Variants in TRIM2 observed in about 807,000 individuals in gnomAD.
TRIM2 encodes the protein tripartite motif containing 2.
In TRIM2, 20 loss-of-function variants were observed where a neutral mutation model predicts 75.2. That is an observed-to-expected ratio of 0.27 (90% CI 0.19 to 0.39). The LOEUF is 0.39. TRIM2 is among the 10% of genes least tolerant of loss of function. The pLI, the probability that TRIM2 is intolerant of heterozygous loss-of-function variation, is 1.00. For synonymous variants in TRIM2, 373 were observed against 388.3 expected, an observed-to-expected ratio of 0.96 and a Z score of 0.46; for missense variants, 660 against 990.8, an observed-to-expected ratio of 0.67 and a Z score of 4.48.
intron 1 of TRIM2, among the ~76,000 whole-genome samples, chr4:153,193,127 C>CTTTTTTTTTT: frequency 9.4e-6 from 1 of 106,732 alleles, no homozygotes; most frequent in Non-Finnish European, 1.8e-5. Context: ...AGTGAATAAT[C>CTTTTTTTTTT]TTTTTTTTTT....
chr4:153,173,264 C>T (rs1038520764), intron 1 of TRIM2, among the ~76,000 whole-genome samples: 23 of 152,292 alleles, frequency 1.5e-4, no homozygotes, highest in African/African-American at 4.3e-4. Context: ...GAGTGGCTCA[C>T]GCCTGTAATC....
rs906408603 is a variant in TRIM2 at position 153,337,953 on chromosome 4, G to T, written c.*2987G>T. On this transcript the variant is annotated 3_prime_UTR_variant, in exon 12 of 12. Transcript: ENST00000338700. ...AGGCAGAGAGTCACTTGACCATCCA[G>T]AAATACATGACTACAAGTCCTTTAT... is the stretch of plus-strand genomic sequence containing the variant. 1 of 985,676 alleles carries T rather than the reference G, an allele frequency of 1.0e-6. No individual in the cohort carries two copies. The highest frequency in any genetic ancestry group is 1.2e-6 in the Non-Finnish European group (1 of 829,950). 61.1% of individuals were successfully genotyped at this position (985,676 alleles called of 1,614,324 possible).
intron 1 of TRIM2, among the ~76,000 whole-genome samples, chr4:153,206,065 C>T (rs1248967006): frequency 6.6e-6 from 1 of 152,212 alleles, no homozygotes; most frequent in Non-Finnish European, 1.5e-5. Flanking sequence ...CCCTCCAGGC[C>T]CACCGCAGGC....
intron 1 of TRIM2, among the ~76,000 whole-genome samples, chr4:153,265,180 A>T (rs1191967732): frequency 6.6e-6 from 1 of 152,058 alleles, no homozygotes; most frequent in African/African-American, 2.4e-5. Flanking sequence ...AAAGGAATAA[A>T]GTCCAATATG....
At chr4:153,169,961 C>A (rs1408443307) in intron 1 of TRIM2, among the ~76,000 whole-genome samples, 1 of 152,238 alleles carries the variant, frequency 6.6e-6, no homozygotes, top group Non-Finnish European at 1.5e-5. Flanking sequence ...ACTTCATCCG[C>A]ATCTAAAGAA....
At chr4:153,210,349 T>G (rs1026424943) in intron 1 of TRIM2, among the ~76,000 whole-genome samples, 1 of 152,130 alleles carries the variant, frequency 6.6e-6, no homozygotes, top group Non-Finnish European at 1.5e-5. Flanking sequence ...TCGGGTGTGA[T>G]CCACCGTGCC....
At chr4:153,197,129 G>A (rs771011136) in intron 1 of TRIM2, among the ~76,000 whole-genome samples, 5 of 152,120 alleles carry the variant, frequency 3.3e-5, no homozygotes, top group Non-Finnish European at 5.9e-5. Flanking sequence ...CTGACTTTAG[G>A]CCTTGCCACC....
chr4:153,204,145 T>C (rs966297463), upstream of TRIM2, among the ~76,000 whole-genome samples: 1 of 152,130 alleles, frequency 6.6e-6, no homozygotes, highest in African/African-American at 2.4e-5. Context: ...AAAATACATA[T>C]TATTATGTGT....
At chr4:153,306,681 A>G (rs985083227) in intron 6 of TRIM2, among the ~76,000 whole-genome samples, 3 of 152,224 alleles carry the variant, frequency 2.0e-5, no homozygotes, top group Non-Finnish European at 2.9e-5. Context: ...TATACTTTCC[A>G]TTCCCAATAA....
chr4:153,197,606 T>A (rs1040508176), intron 1 of TRIM2, among the ~76,000 whole-genome samples: 1 of 152,164 alleles, frequency 6.6e-6, no homozygotes, highest in Admixed American at 6.5e-5. Context: ...ACCAAGTGGC[T>A]CATGCCTGTA....
intron 1 of TRIM2, among the ~76,000 whole-genome samples, chr4:153,258,847 G>C (rs781692922): frequency 2.0e-5 from 3 of 152,280 alleles, no homozygotes; most frequent in Non-Finnish European, 4.4e-5. Flanking sequence ...GTGTGAATCT[G>C]TTTTCTGGTG....
At chr4:153,312,310 A>G (rs1579607863) in intron 6 of TRIM2, among the ~76,000 whole-genome samples, 1 of 152,112 alleles carries the variant, frequency 6.6e-6, no homozygotes, top group African/African-American at 2.4e-5. Context: ...AATCCAGTCT[A>G]TCATTGTTGG....
At chr4:153,173,118 T>C (rs556397464) in intron 1 of TRIM2, among the ~76,000 whole-genome samples, 2 of 152,286 alleles carry the variant, frequency 1.3e-5, no homozygotes, top group Non-Finnish European at 2.9e-5. Context: ...TTTAGGTGTC[T>C]CTAATCGCCC....
chr4:153,313,390 T>G (rs1239919571), intron 6 of TRIM2, among the ~76,000 whole-genome samples: 2 of 152,154 alleles, frequency 1.3e-5, no homozygotes, highest in African/African-American at 4.8e-5. Context: ...GACCACCACC[T>G]GGGTCTGGTG....
chr4:153,303,129 C>A (rs1368678447), intron 6 of TRIM2, among the ~76,000 whole-genome samples: 1 of 152,110 alleles, frequency 6.6e-6, no homozygotes. Flanking sequence ...AACATCCATA[C>A]CTTTGACTAC....
intron 3 of TRIM2, among the ~76,000 whole-genome samples, chr4:153,288,243 C>T (rs920254565): frequency 1.3e-5 from 2 of 151,958 alleles, no homozygotes; most frequent in Non-Finnish European, 2.9e-5. Flanking sequence ...TTGAGACCAG[C>T]CTGGCCAACA....
chr4:153,197,554 T>G (rs1733905535), intron 1 of TRIM2, among the ~76,000 whole-genome samples: 1 of 152,042 alleles, frequency 6.6e-6, no homozygotes, highest in South Asian at 2.1e-4. Flanking sequence ...AGCTCATGAG[T>G]GCAGAATCCT....
chr4:153,315,843 T>G lies in TRIM2; in HGVS notation c.1626T>G (p.Asn542Lys). 4 of 1,614,188 alleles carry G rather than the reference T, an allele frequency of 2.5e-6. No homozygotes were observed. Among genetic ancestry groups the G allele is most frequent in the Non-Finnish European group, 3.4e-6 (4 of 1,180,034 alleles). Residue 542 changes from asparagine (N) to lysine (K), a missense_variant, in exon 8 of 12, where the codon AAT becomes AAG. Around this residue, in one of 2 missense-constraint regions of TRIM2, gnomAD observed 620 missense variants for 891.0 expected, o/e 0.70. Coordinates refer to ENST00000338700, the MANE Select transcript of TRIM2 (RefSeq NM_015271.5). The part of the protein sequence containing the change: ...SNNQCVQIFS[N>K]DGQFKSRFGI... ...AATTTATCTTACAGATATTTTCCAA[T>G]GATGGCCAGTTCAAAAGTCGTTTTG...
chr4:153,200,724 A>AAAAAAAT (rs1405991305), upstream of TRIM2, among the ~76,000 whole-genome samples: 32 of 138,140 alleles, frequency 2.3e-4, no homozygotes, highest in African/African-American at 8.2e-4. Flanking sequence ...AAGAAAAAAA[A>AAAAAAAT]ATATATATAT....
Sources: gnomAD v4.1 joint callset for allele counts (sites outside exome capture counted in the v4.1 genomes callset) on GRCh38, gnomAD v4.1.1 for gene constraint, gnomAD v4.1.1 regional missense constraint, MANE v1.5 for transcripts, NCBI Gene and HGNC (gene_info 2026-07-23, HGNC 2026-07-21) for gene names.